Variants in IKBKB observed in about 807,000 individuals in gnomAD.
IKBKB encodes inhibitor of nuclear factor kappa B kinase subunit beta, also known as inhibitor of nuclear factor kappa-B kinase subunit beta.
In IKBKB, 42 loss-of-function variants were observed where a neutral mutation model predicts 113.6. The ratio of observed to expected loss-of-function variants is 0.37; its 90% confidence interval spans 0.29 to 0.48. IKBKB has a LOEUF of 0.48. Ranked by LOEUF, IKBKB falls within the 20% of genes least tolerant of loss-of-function variation. The pLI is 0.99. For synonymous variants in IKBKB, 296 were observed against 361.3 expected (o/e 0.82, Z 2.05); for missense variants, 673 against 939.7 (o/e 0.72, Z 3.71).
At chr8:42,321,814 G>A (rs1400777446) in intron 16 of IKBKB, 82 bp from the exon 17 acceptor site, 1 of 998,638 alleles carries the variant, frequency 1.0e-6, no homozygotes. Context: ...GCAACATGGT[G>A]AAACTCTACC....
intron 2 of IKBKB, among the ~76,000 whole-genome samples, chr8:42,272,717 A>G (rs893628049): frequency 6.6e-6 from 1 of 151,966 alleles, no homozygotes; most frequent in Non-Finnish European, 1.5e-5. Context: ...AGGCAGGCGG[A>G]TCACGCAGTC....
At chr8:42,288,169 T>C (rs1266951972) in intron 2 of IKBKB, among the ~76,000 whole-genome samples, 1 of 151,746 alleles carries the variant, frequency 6.6e-6, no homozygotes. Flanking sequence ...GGCAGATCAC[T>C]TGAGGTCAGG....
intron 8 of IKBKB, among the ~76,000 whole-genome samples, chr8:42,312,475 G>A (rs1276934477): frequency 2.6e-5 from 4 of 152,124 alleles, no homozygotes; most frequent in Admixed American, 2.6e-4. Context: ...AATGCTTTGG[G>A]AAACTTTTAA....
chr8:42,289,018 G>T, intron 3 of IKBKB, among the ~76,000 whole-genome samples: 1 of 151,790 alleles, frequency 6.6e-6, no homozygotes. Context: ...ACTCTGCTGG[G>T]ATTACTCCAA....
chr8:42,325,499 T>A (rs1355153160), intron 19 of IKBKB: 1 of 688,470 alleles, frequency 1.5e-6, no homozygotes, highest in African/African-American at 2.0e-5. Context: ...GCCAATATGG[T>A]GAAACACCGT....
chr8:42,330,206 A>C, intron 21 of IKBKB: 1 of 985,402 alleles, frequency 1.0e-6, no homozygotes, highest in Non-Finnish European at 1.2e-6. Flanking sequence ...CGACTTTCTA[A>C]TTCCCACAGT....
chr8:42,307,776 G>C (rs1235934322), intron 7 of IKBKB, among the ~76,000 whole-genome samples: 1 of 152,196 alleles, frequency 6.6e-6, no homozygotes, highest in Non-Finnish European at 1.5e-5. Flanking sequence ...GTCAAGTCAT[G>C]TACTCACATG....
intron 5 of IKBKB, among the ~76,000 whole-genome samples, chr8:42,299,930 G>A (rs1417709238): frequency 3.9e-5 from 6 of 152,236 alleles, no homozygotes; most frequent in African/African-American, 7.2e-5. Flanking sequence ...TTCTGTCTGT[G>A]CCTTGGCAGT....
chr8:42,297,085 C>T (rs1814022497), intron 5 of IKBKB, among the ~76,000 whole-genome samples: 1 of 152,180 alleles, frequency 6.6e-6, no homozygotes, highest in African/African-American at 2.4e-5. Flanking sequence ...AGACTCCCAT[C>T]CTGGAAGAGG....
In IKBKB at chr8:42,316,178, T is replaced by C. The variant is rs377382073; in HGVS notation, c.801-32T>C. The C allele has an allele frequency of 3.1e-6, 5 of 1,610,062 alleles. No homozygotes were observed. In the African/African-American group the frequency reaches 5.3e-5, roughly 17 times the overall value. On this transcript the variant is annotated intron_variant, in intron 9 of 21. Transcript: ENST00000520810. This position sits in a 1 kb window ranked among gnomAD's most constrained non-coding sequence, Gnocchi z 4.5. ...ACTGTAGCCCAACATTGGCTGGAAG[T>C]GTCTCCTCACACACTATGCTCCTCT...
chr8:42,271,787 T>G, intron 1 of IKBKB: 1 of 510,112 alleles, frequency 2.0e-6, no homozygotes, highest in South Asian at 2.5e-5. Context: ...CGGGCGCCCC[T>G]GGTGGAGTCA....
At chr8:42,319,802 A>C in intron 15 of IKBKB, 156 bp downstream of exon 15, 1 of 644,322 alleles carries the variant, frequency 1.6e-6, no homozygotes. Flanking sequence ...AAAAGAGGCC[A>C]AGAGAGTAGC....
chr8:42,295,446 G>T (rs1460605485), intron 5 of IKBKB, among the ~76,000 whole-genome samples: 3 of 152,248 alleles, frequency 2.0e-5, no homozygotes, highest in Non-Finnish European at 4.4e-5. Context: ...TGGCACAAGT[G>T]CCGGGCGCAG....
rs772743195 is a variant in IKBKB at position 42,322,137 on chromosome 8, A to T, written c.1822A>T (p.Ile608Phe). The change falls in exon 18 of 22, where the codon ATC becomes TTC. Residue 608 changes from isoleucine to phenylalanine, a missense_variant. Physicochemically the swap from Ile to Phe is conservative, Grantham distance 21. Around this residue, in one of 2 missense-constraint regions of IKBKB, gnomAD observed 506 missense variants for 638.7 expected, o/e 0.79. Transcript: ENST00000520810. The part of the protein sequence containing the change: ...IQSFEKKVRV[I>F]YTQLSKTVVC... ...GAGCTTCGAGAAGAAAGTGCGAGTG[A>T]TCTATACGCAGCTCAGGTATGAGCC... 2 of 1,613,402 alleles carry T rather than the reference A, an allele frequency of 1.2e-6. No homozygotes were observed. The highest frequency in any genetic ancestry group is 3.3e-5 in the Admixed American group (2 of 59,964).
chr8:42,327,920 CCTGCCT>C lies in IKBKB; in HGVS notation c.2115-1202_2115-1197del, dbSNP rs2130727533. 5.2e-5 allele frequency among the ~76,000 whole-genome samples: 2 copies of C among 38,678 alleles called. 1 individual carries two copies. The highest frequency in any genetic ancestry group is 2.8e-4 in the Non-Finnish European group (2 of 7,102). 25.4% of individuals were successfully genotyped at this position (38,678 alleles called of 152,430 possible). ...CCGCTTCCCGGGTTCACGCCATTCT[CCTGCCT>C]CAGCCTCCCGAGTAGCTGGGACTAC... On this transcript the variant is annotated intron_variant, in intron 20 of 21. Coordinates refer to ENST00000520810, the MANE Select transcript of IKBKB (RefSeq NM_001556.3).
At position 42,305,351 on chromosome 8, in the gene IKBKB, C is replaced by G; in HGVS notation, c.477+76C>G. On this transcript the variant is annotated intron_variant, in intron 6 of 21. Coordinates refer to ENST00000520810, the MANE Select transcript of IKBKB (RefSeq NM_001556.3). ...TGGCCTGGGAGGAAAGGAGCACACT[C>G]TGCATATTTGTGTGTATTTGCATTT... 5.9e-6 allele frequency: 5 copies of G among 847,996 alleles called. No individual in the cohort carries two copies. In the South Asian group the frequency reaches 6.9e-5, roughly 12 times the overall value. 52.5% of individuals were successfully genotyped at this position (847,996 alleles called of 1,614,324 possible). A position where few individuals can be genotyped will look rare whatever the true frequency, so the allele number is the denominator to read the frequency against.
At chr8:42,327,100 T>C (rs1362012058) in intron 20 of IKBKB, among the ~76,000 whole-genome samples, 1 of 152,196 alleles carries the variant, frequency 6.6e-6, no homozygotes. Context: ...ATGGGTGAGC[T>C]TTATGGTATA....
chr8:42,289,863 G>A (rs886093311), intron 3 of IKBKB, among the ~76,000 whole-genome samples: 1 of 152,208 alleles, frequency 6.6e-6, no homozygotes, highest in Non-Finnish European at 1.5e-5. Flanking sequence ...GAGATTGAAA[G>A]GTCCTTGTAG....
At chr8:42,299,080 G>C (rs1814564864) in intron 5 of IKBKB, among the ~76,000 whole-genome samples, 1 of 152,120 alleles carries the variant, frequency 6.6e-6, no homozygotes. Flanking sequence ...TGTCTGCCAG[G>C]TCTTTCTTCC....
Sources: gnomAD v4.1 joint callset for allele counts (sites outside exome capture counted in the v4.1 genomes callset) on GRCh38, gnomAD v4.1.1 for gene constraint, gnomAD v4.1.1 regional missense constraint, Gnocchi (gnomAD v3.1) non-coding constraint, MANE v1.5 for transcripts, NCBI Gene and HGNC (gene_info 2026-07-23, HGNC 2026-07-21) for gene names.